CERS3: variants seen among roughly 807,000 people sequenced by gnomAD.
The protein encoded by CERS3 is ceramide synthase 3.
Under a neutral mutation model 50.3 loss-of-function variants are expected in CERS3, and 33 were observed. The observed-to-expected ratio is 0.66, with a 90% confidence interval of 0.50 to 0.88. CERS3 has a LOEUF of 0.88. Ranked by LOEUF, CERS3 falls within the 40% of genes least tolerant of loss-of-function variation. The pLI, the probability that CERS3 is intolerant of heterozygous loss-of-function variation, is 0.00. For synonymous variants in CERS3, 176 were observed against 155.2 expected, an observed-to-expected ratio of 1.13 and a Z score of -0.99; for missense variants, 470 against 460.3, an observed-to-expected ratio of 1.02 and a Z score of -0.19.
At chr15:100,522,467 C>T (rs1007784204) in intron 1 of CERS3, among the ~76,000 whole-genome samples, 2 of 152,186 alleles carry the variant, frequency 1.3e-5, no homozygotes, top group Non-Finnish European at 2.9e-5. Flanking sequence ...AAGAATATGA[C>T]CAGCACCCCA....
intron 11 of CERS3, among the ~76,000 whole-genome samples, chr15:100,454,177 C>T (rs569397966): frequency 1.4e-4 from 22 of 152,162 alleles, no homozygotes; most frequent in African/African-American, 4.6e-4. Flanking sequence ...AATCGCTTGA[C>T]CCCAAGAGTT....
chr15:100,447,501 G>A (rs903891957), intron 11 of CERS3, among the ~76,000 whole-genome samples: 17 of 152,242 alleles, frequency 1.1e-4, no homozygotes, highest in African/African-American at 2.2e-4. Flanking sequence ...GATCTCCTGC[G>A]GCTGTGTCAT....
At chr15:100,449,745 T>C (rs1398880057) in intron 11 of CERS3, among the ~76,000 whole-genome samples, 3 of 152,144 alleles carry the variant, frequency 2.0e-5, no homozygotes, top group Non-Finnish European at 4.4e-5. Context: ...GAAAATATCC[T>C]CCTCTATGAA....
intron 11 of CERS3, among the ~76,000 whole-genome samples, chr15:100,426,396 A>G (rs2032815671): frequency 6.6e-6 from 1 of 152,216 alleles, no homozygotes; most frequent in Non-Finnish European, 1.5e-5. Context: ...AAAGTTTTAA[A>G]ATACAGAAAA....
intron 1 of CERS3, among the ~76,000 whole-genome samples, chr15:100,525,305 C>T (rs1214966684): frequency 6.6e-6 from 1 of 152,148 alleles, no homozygotes; most frequent in Non-Finnish European, 1.5e-5. Context: ...AAATCATCTC[C>T]ACAGATTTTC....
chr15:100,508,330 G>A (rs554650291), intron 2 of CERS3, among the ~76,000 whole-genome samples: 19 of 152,000 alleles, frequency 1.3e-4, no homozygotes, highest in East Asian at 9.6e-4. Flanking sequence ...GTTTTTTTCC[G>A]TGTAAAGGAG....
At chr15:100,425,288 C>T (rs1275216784) in intron 11 of CERS3, among the ~76,000 whole-genome samples, 1 of 152,210 alleles carries the variant, frequency 6.6e-6, no homozygotes, top group Non-Finnish European at 1.5e-5. Context: ...TTATTGACAG[C>T]TTGCACTATG....
chr15:100,461,954 T>G lies in CERS3; in HGVS notation c.846-5908A>C, dbSNP rs182623787. 3.3e-5 allele frequency among the ~76,000 whole-genome samples: 5 copies of G among 152,142 alleles called. No homozygotes were observed. In the East Asian group the frequency reaches 9.7e-4, roughly 29 times the overall value. On this transcript the variant is annotated intron_variant, in intron 10 of 11. Coordinates refer to ENST00000679737, the MANE Select transcript of CERS3 (RefSeq NM_001378789.1). ...GGATGGTCTAGTCTCTCAAGTTTCCTCTCCTTCTACGCTAAAAGAAGACTG... is the reference window on the plus strand; with the variant it reads ...GGATGGTCTAGTCTCTCAAGTTTCCGCTCCTTCTACGCTAAAAGAAGACTG...
intron 2 of CERS3, among the ~76,000 whole-genome samples, chr15:100,519,939 C>T (rs1490296454): frequency 6.6e-6 from 1 of 152,144 alleles, no homozygotes; most frequent in Admixed American, 6.5e-5. Context: ...TAAAAGAGCC[C>T]CCTTTGGCCC....
chr15:100,455,471 C>T (rs1287051025), intron 11 of CERS3, among the ~76,000 whole-genome samples: 1 of 152,022 alleles, frequency 6.6e-6, no homozygotes, highest in African/African-American at 2.4e-5. Context: ...TGAAATGTTC[C>T]CAACACTTAG....
At chr15:100,497,202 G>A (rs756536024) in intron 3 of CERS3, among the ~76,000 whole-genome samples, 1 of 151,832 alleles carries the variant, frequency 6.6e-6, no homozygotes, top group Non-Finnish European at 1.5e-5. Flanking sequence ...GGGAAAAAAA[G>A]GAATTAATGA....
chr15:100,492,821 C>A (rs972910321), intron 3 of CERS3, among the ~76,000 whole-genome samples: 2 of 152,002 alleles, frequency 1.3e-5, no homozygotes, highest in Non-Finnish European at 1.5e-5. Context: ...TCTGATGGAC[C>A]ATTTTAATTT....
chr15:100,400,555 C>T lies in CERS3; in HGVS notation c.*2158G>A, dbSNP rs145355994. 1.3e-4 allele frequency: 20 copies of T among 152,068 alleles called. No homozygotes were observed. Among genetic ancestry groups the T allele is most frequent in the African/African-American group, 4.6e-4 (19 of 41,482 alleles). 9.4% of individuals were successfully genotyped at this position (152,068 alleles called of 1,614,324 possible). A position where few individuals can be genotyped will look rare whatever the true frequency, so the allele number is the denominator to read the frequency against. The stretch of plus-strand genomic sequence containing the variant: ...ACCACAAAAGCCCTAAATAGTGTTA[C>T]AAAAATGAGTATCTACTTCTTATGA... On this transcript the variant is annotated 3_prime_UTR_variant, in exon 12 of 12. Transcript: ENST00000679737.
At chr15:100,417,046 AC>A (rs2031967813) in intron 11 of CERS3, among the ~76,000 whole-genome samples, 1 of 152,216 alleles carries the variant, frequency 6.6e-6, no homozygotes, top group Non-Finnish European at 1.5e-5. Context: ...ACCAGTCAGA[AC>A]GGCTATGAAT....
intron 11 of CERS3, among the ~76,000 whole-genome samples, chr15:100,413,465 A>G (rs777086399): frequency 3.3e-5 from 5 of 152,160 alleles, no homozygotes; most frequent in Admixed American, 2.0e-4. Flanking sequence ...AAAAGCAGGC[A>G]AAGGACATGA....
chr15:100,499,152 T>C (rs2035922969), intron 3 of CERS3, among the ~76,000 whole-genome samples: 1 of 152,296 alleles, frequency 6.6e-6, no homozygotes, highest in Middle Eastern at 3.4e-3. Context: ...ATAATAAAAA[T>C]GTGTCCTTCT....
At chr15:100,525,410 T>C (rs1417599782) in intron 1 of CERS3, among the ~76,000 whole-genome samples, 1 of 152,222 alleles carries the variant, frequency 6.6e-6, no homozygotes, top group Non-Finnish European at 1.5e-5. Flanking sequence ...AAATTTTAAA[T>C]TCTCATATTT....
At chr15:100,407,459 C>T (rs1231313331) in intron 11 of CERS3, among the ~76,000 whole-genome samples, 1 of 152,242 alleles carries the variant, frequency 6.6e-6, no homozygotes, top group Non-Finnish European at 1.5e-5. Flanking sequence ...ATTCACATGT[C>T]CCGTCAGGCA....
At chr15:100,445,510 C>G (rs1016014224) in intron 11 of CERS3, among the ~76,000 whole-genome samples, 15 of 152,234 alleles carry the variant, frequency 9.9e-5, no homozygotes, top group African/African-American at 3.6e-4. Context: ...TTCTCCTTCT[C>G]TTATTCCGTT....
Sources: gnomAD v4.1 joint callset for allele counts (sites outside exome capture counted in the v4.1 genomes callset) on GRCh38, gnomAD v4.1.1 for gene constraint, MANE v1.5 for transcripts, NCBI Gene and HGNC (gene_info 2026-07-23, HGNC 2026-07-21) for gene names.